ADAMTSL3: variants seen among roughly 807,000 people sequenced by gnomAD.
The protein encoded by ADAMTSL3 is ADAMTS like 3, also known as ADAMTS-like protein 3.
Under a neutral mutation model 201.7 loss-of-function variants are expected in ADAMTSL3, and 128 were observed. The observed-to-expected ratio is 0.63, with a 90% confidence interval of 0.55 to 0.73. The LOEUF (loss-of-function observed/expected upper bound fraction) is 0.73, where lower values mean the gene tolerates loss of function less well. ADAMTSL3 is among the 30% of genes least tolerant of loss of function. ADAMTSL3 has a pLI of 0.00. For missense variants in ADAMTSL3, 1,990 were observed against 2,119.6 expected (o/e 0.94, Z 1.20); for synonymous variants, 738 against 748.4 (o/e 0.99, Z 0.23).
At chr15:84,006,713 G>T (rs1341537794) in intron 23 of ADAMTSL3, among the ~76,000 whole-genome samples, 1 of 152,214 alleles carries the variant, frequency 6.6e-6, no homozygotes, top group Non-Finnish European at 1.5e-5. Flanking sequence ...ACGTTTTATA[G>T]CTGTTGCAAC....
chr15:83,663,070 A>T (rs2061197620), intron 2 of ADAMTSL3, among the ~76,000 whole-genome samples: 1 of 151,998 alleles, frequency 6.6e-6, no homozygotes, highest in African/African-American at 2.4e-5. Flanking sequence ...GAGAGTTCAA[A>T]CCCAGCTCCC....
chr15:83,817,903 C>G (rs2063794066), intron 5 of ADAMTSL3, among the ~76,000 whole-genome samples: 1 of 152,096 alleles, frequency 6.6e-6, no homozygotes. Flanking sequence ...AAAAAATTAG[C>G]TGGGCATGGT....
At chr15:83,911,002 A>G (rs2065922341) in intron 15 of ADAMTSL3, among the ~76,000 whole-genome samples, 1 of 152,180 alleles carries the variant, frequency 6.6e-6, no homozygotes, top group Non-Finnish European at 1.5e-5. Context: ...CAGAAGTCCA[A>G]TTTGAATGAA....
intron 19 of ADAMTSL3, among the ~76,000 whole-genome samples, chr15:83,950,857 G>A (rs1419678961): frequency 1.3e-5 from 2 of 152,034 alleles, no homozygotes; most frequent in African/African-American, 4.8e-5. Flanking sequence ...TTTGTATCCT[G>A]CAACTTTACT....
intron 21 of ADAMTSL3, among the ~76,000 whole-genome samples, chr15:83,987,010 A>C (rs2067492478): frequency 2.0e-5 from 3 of 152,212 alleles, no homozygotes; most frequent in Admixed American, 2.0e-4. Flanking sequence ...GATCTCAATG[A>C]TTTCTCACTG....
intron 26 of ADAMTSL3, 40 bp downstream of exon 26, chr15:84,021,633 TTTTG>T: frequency 6.3e-7 from 1 of 1,594,326 alleles, no homozygotes; most frequent in Non-Finnish European, 8.6e-7. Context: ...AACACCAAGT[TTTTG>T]TTTGTTTTGA....
intron 19 of ADAMTSL3, among the ~76,000 whole-genome samples, chr15:83,969,721 G>C (rs966237186): frequency 6.6e-6 from 1 of 152,184 alleles, no homozygotes; most frequent in Non-Finnish European, 1.5e-5. Context: ...TCCCCATACT[G>C]GGGGAATGGG....
intron 19 of ADAMTSL3, among the ~76,000 whole-genome samples, chr15:83,969,620 C>A: frequency 6.6e-6 from 1 of 152,140 alleles, no homozygotes; most frequent in African/African-American, 2.4e-5. Flanking sequence ...GTGAAATAAG[C>A]CAGTTAGGGA....
intron 27 of ADAMTSL3, among the ~76,000 whole-genome samples, chr15:84,030,117 G>A (rs2068377057): frequency 6.6e-6 from 1 of 152,206 alleles, no homozygotes; most frequent in South Asian, 2.1e-4. Context: ...GGAAATGTGG[G>A]GTTGGAGCCT....
intron 17 of ADAMTSL3, among the ~76,000 whole-genome samples, chr15:83,936,024 G>A (rs1260100317): frequency 1.3e-5 from 2 of 151,804 alleles, no homozygotes; most frequent in African/African-American, 4.8e-5. Flanking sequence ...TCATTAAGAA[G>A]GAAAATGATC....
chr15:83,837,283 A>G (rs1020219604), intron 6 of ADAMTSL3, among the ~76,000 whole-genome samples: 2 of 152,030 alleles, frequency 1.3e-5, no homozygotes, highest in African/African-American at 4.8e-5. Flanking sequence ...AAGACTATAG[A>G]CAGATATTAA....
At chr15:83,779,569 G>A (rs1362537466) in intron 4 of ADAMTSL3, among the ~76,000 whole-genome samples, 1 of 151,722 alleles carries the variant, frequency 6.6e-6, no homozygotes, top group African/African-American at 2.4e-5. Flanking sequence ...GTGGTGGCAG[G>A]TGCCTGTAGT....
At chr15:83,862,969 C>T (rs2064898344) in intron 8 of ADAMTSL3, 1 of 152,070 alleles carries the variant, frequency 6.6e-6, no homozygotes, top group African/African-American at 2.4e-5. Context: ...GGGTTGCAAT[C>T]CTAGTCTCTG....
In ADAMTSL3 at chr15:84,037,715, CA is replaced by C. The variant is rs2068536203; in HGVS notation, c.4987del (p.Thr1663LeufsTer7). Reference sequence around the variant, plus strand: ...TTTTTTGCAGGAGACTGCACAGACACAACTCACTACTGTATGTTTGTAAAAC... The same window carrying C: ...TTTTTTGCAGGAGACTGCACAGACACACTCACTACTGTATGTTTGTAAAAC... The part of the protein sequence containing the change: ...GPSCDRDCTD[T>X]THYCMFVKHL... On this transcript the variant is annotated frameshift_variant, in exon 30 of 30. Transcript: ENST00000286744. LOFTEE classifies it high-confidence loss of function. 6.2e-7 allele frequency: 1 copy of C among 1,607,964 alleles called. No individual in the cohort carries two copies. The highest frequency in any genetic ancestry group is 8.5e-7 in the Non-Finnish European group (1 of 1,178,368).
At chr15:83,801,316 C>T (rs573453912) in intron 4 of ADAMTSL3, among the ~76,000 whole-genome samples, 14 of 151,852 alleles carry the variant, frequency 9.2e-5, no homozygotes, top group African/African-American at 3.4e-4. Context: ...CTTTTCACTC[C>T]AAAATGTCCT....
chr15:83,988,343 A>T (rs935322996), intron 21 of ADAMTSL3, among the ~76,000 whole-genome samples: 2 of 152,220 alleles, frequency 1.3e-5, no homozygotes, highest in African/African-American at 2.4e-5. Context: ...AGTGTTTAAC[A>T]TCCAGCAAAT....
chr15:83,765,352 A>G (rs775937467), intron 3 of ADAMTSL3, among the ~76,000 whole-genome samples: 1 of 152,242 alleles, frequency 6.6e-6, no homozygotes, highest in Non-Finnish European at 1.5e-5. Flanking sequence ...TTGTGGTAAC[A>G]TTGGAATGAA....
At chr15:83,769,183 AAAAAC>A (rs1480329038) in intron 3 of ADAMTSL3, among the ~76,000 whole-genome samples, 2 of 152,216 alleles carry the variant, frequency 1.3e-5, no homozygotes, top group African/African-American at 4.8e-5. Flanking sequence ...TAGTGGGAAT[AAAAAC>A]AAATTAAAAC....
intron 6 of ADAMTSL3, among the ~76,000 whole-genome samples, chr15:83,829,697 A>G (rs1436047384): frequency 6.6e-6 from 1 of 152,126 alleles, no homozygotes; most frequent in African/African-American, 2.4e-5. Flanking sequence ...CACTGCTTTA[A>G]ATGTGTCCCA....
Sources: gnomAD v4.1 joint callset for allele counts (sites outside exome capture counted in the v4.1 genomes callset) on GRCh38, gnomAD v4.1.1 for gene constraint, MANE v1.5 for transcripts, NCBI Gene and HGNC (gene_info 2026-07-23, HGNC 2026-07-21) for gene names.